RHEB: variants seen among roughly 807,000 people sequenced by gnomAD.
RHEB encodes GTP-binding protein Rheb.
In RHEB, 2 loss-of-function variants were observed where a neutral mutation model predicts 28.8. The observed-to-expected ratio is 0.07, with a 90% CI of 0.03 to 0.22. The LOEUF (loss-of-function observed/expected upper bound fraction) is 0.22. RHEB is among the 10% of genes least tolerant of loss of function. RHEB has a pLI of 1.00. For missense variants in RHEB, 76 were observed against 219.9 expected (o/e 0.35, Z 4.14); for synonymous variants, 69 against 77.3 (o/e 0.89, Z 0.56).
At chr7:151,515,095 A>T (rs1479294932) in intron 1 of RHEB, among the ~76,000 whole-genome samples, 3 of 151,690 alleles carry the variant, frequency 2.0e-5, no homozygotes, top group Non-Finnish European at 4.4e-5. Context: ...AAAAGAAACC[A>T]CCCACATATC....
chr7:151,511,986 A>G (rs1802999843), intron 1 of RHEB, among the ~76,000 whole-genome samples: 1 of 152,228 alleles, frequency 6.6e-6, no homozygotes, highest in Non-Finnish European at 1.5e-5. Flanking sequence ...AATTCATGTT[A>G]AAAGGACTCA....
intron 1 of RHEB, among the ~76,000 whole-genome samples, chr7:151,491,679 G>A (rs1802584541): frequency 6.6e-6 from 1 of 151,852 alleles, no homozygotes; most frequent in South Asian, 2.1e-4. Context: ...AGAGGCTGCA[G>A]TGGGCCAAGA....
At chr7:151,510,448 C>T (rs866293092) in intron 1 of RHEB, among the ~76,000 whole-genome samples, 78 of 152,160 alleles carry the variant, frequency 5.1e-4, no homozygotes, top group African/African-American at 1.6e-3. Flanking sequence ...ACTGCACCTA[C>T]CCGAGTTTAA....
chr7:151,507,531 T>C (rs549443062), intron 1 of RHEB, among the ~76,000 whole-genome samples: 2 of 152,310 alleles, frequency 1.3e-5, no homozygotes, highest in East Asian at 1.9e-4. Flanking sequence ...ATCTTAATTA[T>C]TGTACAGAAC....
At chr7:151,476,753 GC>G (rs1802279026) in intron 4 of RHEB, among the ~76,000 whole-genome samples, 1 of 152,188 alleles carries the variant, frequency 6.6e-6, no homozygotes, top group Non-Finnish European at 1.5e-5. Context: ...GAGCTCCGCT[GC>G]TGTATACAGC....
At chr7:151,499,520 A>G (rs1488747767) in intron 1 of RHEB, among the ~76,000 whole-genome samples, 1 of 152,132 alleles carries the variant, frequency 6.6e-6, no homozygotes, top group Non-Finnish European at 1.5e-5. Flanking sequence ...TCTGCATCAT[A>G]ATGATTAAAT....
chr7:151,485,688 G>A (rs1006994891), intron 2 of RHEB, among the ~76,000 whole-genome samples: 4 of 152,118 alleles, frequency 2.6e-5, no homozygotes, highest in Non-Finnish European at 5.9e-5. Flanking sequence ...AGGCAAAGCT[G>A]ACACAGACAA....
chr7:151,478,124 T>C (rs1428333061), intron 3 of RHEB, among the ~76,000 whole-genome samples: 2 of 152,242 alleles, frequency 1.3e-5, no homozygotes, highest in Non-Finnish European at 2.9e-5. Flanking sequence ...GACACTTTGC[T>C]TTATATACGT....
chr7:151,488,393 A>G (rs1269249014), intron 2 of RHEB, among the ~76,000 whole-genome samples: 1 of 152,262 alleles, frequency 6.6e-6, no homozygotes, highest in Non-Finnish European at 1.5e-5. Context: ...CTAATATTAT[A>G]AAGTGTAAAA....
intron 1 of RHEB, among the ~76,000 whole-genome samples, chr7:151,508,574 T>C (rs949788344): frequency 2.6e-5 from 4 of 152,216 alleles, no homozygotes; most frequent in Non-Finnish European, 5.9e-5. Flanking sequence ...ATTTCACTTA[T>C]TTCTTTTTAC....
At chr7:151,510,331 G>A (rs1802959937) in intron 1 of RHEB, among the ~76,000 whole-genome samples, 1 of 152,194 alleles carries the variant, frequency 6.6e-6, no homozygotes, top group Non-Finnish European at 1.5e-5. Flanking sequence ...TGGAGCCACT[G>A]CCTGAGTTCA....
chr7:151,493,562 G>A (rs941911185), intron 1 of RHEB, among the ~76,000 whole-genome samples: 1 of 152,158 alleles, frequency 6.6e-6, no homozygotes, highest in African/African-American at 2.4e-5. Flanking sequence ...AAATTAAAGC[G>A]TAGATCTCCA....
At chr7:151,498,089 C>T (rs1462688582) in intron 1 of RHEB, 1 of 1,287,324 alleles carries the variant, frequency 7.8e-7, no homozygotes, top group South Asian at 1.2e-5. Context: ...TTTTACTCAC[C>T]TAAATTAAAT....
chr7:151,467,175 C>T lies in RHEB; in HGVS notation c.499G>A (p.Ala167Thr), dbSNP rs1178576070. The change falls in exon 8 of 8, where the codon GCA becomes ACA. Residue 167 changes from alanine (A) to threonine (T), a missense_variant. Transcript: ENST00000262187. ...VDVFRRIILE[A>T]EKMDGAASQG... ...GAAGCTGCCCCGTCCATTTTTTCTG[C>T]CTCCAAAATTATCCTTCGAAAAACA... is the stretch of plus-strand genomic sequence containing the variant. 1.2e-6 allele frequency: 2 copies of T among 1,613,700 alleles called. No individual in the cohort carries two copies. The highest frequency in any genetic ancestry group is 2.2e-5 in the East Asian group (1 of 44,876).
chr7:151,485,628 A>T (rs1364369844), intron 2 of RHEB, among the ~76,000 whole-genome samples: 3 of 152,176 alleles, frequency 2.0e-5, no homozygotes, highest in Non-Finnish European at 4.4e-5. Flanking sequence ...CAGGCAGCAG[A>T]ATCTATCCCT....
chr7:151,517,907 G>A (rs1326921412), intron 1 of RHEB: 1 of 152,136 alleles, frequency 6.6e-6, no homozygotes, highest in African/African-American at 2.4e-5. Flanking sequence ...GACTAGGGAA[G>A]GCTCACCCAA....
At chr7:151,515,175 A>G (rs73156241) in intron 1 of RHEB, among the ~76,000 whole-genome samples, 6,642 of 152,308 alleles carry the variant, frequency 0.044, 207 homozygotes, top group Non-Finnish European at 0.067. Context: ...CTAAACAGGA[A>G]GAAGCGACAT....
intron 1 of RHEB, among the ~76,000 whole-genome samples, chr7:151,518,826 C>T (rs1367264859): frequency 6.6e-6 from 1 of 152,112 alleles, no homozygotes; most frequent in Non-Finnish European, 1.5e-5. Context: ...TGTCTTCCTA[C>T]CCAGGCCGCC....
intron 3 of RHEB, among the ~76,000 whole-genome samples, chr7:151,483,049 A>G (rs921094234): frequency 3.3e-5 from 5 of 152,214 alleles, no homozygotes; most frequent in African/African-American, 1.2e-4. Flanking sequence ...CTGACTGCTA[A>G]AGCACACTGC....
Sources: gnomAD v4.1 joint callset for allele counts (sites outside exome capture counted in the v4.1 genomes callset) on GRCh38, gnomAD v4.1.1 for gene constraint, MANE v1.5 for transcripts, NCBI Gene and HGNC (gene_info 2026-07-23, HGNC 2026-07-21) for gene names.